BIRC5: variants seen among roughly 807,000 people sequenced by gnomAD.
BIRC5 encodes the protein baculoviral IAP repeat-containing protein 5.
In BIRC5, 8 loss-of-function variants were observed where a neutral mutation model predicts 15.8. The ratio of observed to expected loss-of-function variants is 0.51; its 90% CI spans 0.30 to 0.91. The LOEUF is 0.91. Ranked by LOEUF, BIRC5 falls within the 40% of genes least tolerant of loss-of-function variation. BIRC5 has a pLI of 0.07. For missense variants in BIRC5, 163 were observed against 178.6 expected (o/e 0.91, Z 0.50); for synonymous variants, 56 against 64.5 (o/e 0.87, Z 0.63).
rs747598585 is a variant in BIRC5 at position 78,216,695 on chromosome 17, G to T, written c.253G>T (p.Ala85Ser). ...ACATAAAAAGCATTCGTCCGGTTGC[G>T]CTTTCCTTTCTGTCAAGAAGCAGTT... Reference protein sequence around the residue: ...EEHKKHSSGCAFLSVKKQFEE... With the variant: ...EEHKKHSSGCSFLSVKKQFEE... The change falls in exon 3 of 4, where the codon GCT becomes TCT. Residue 85 changes from alanine to serine, a missense_variant. By Grantham distance (99) the Ala-to-Ser change is moderately conservative. Transcript: ENST00000350051. 1 of 1,613,694 alleles carries T rather than the reference G, an allele frequency of 6.2e-7. No homozygotes were observed. The highest frequency in any genetic ancestry group is 8.5e-7 in the Non-Finnish European group (1 of 1,179,844).
chr17:78,216,448 GGGGAGATGTCCACA>G (rs2076478661), intron 2 of BIRC5: 3 of 495,102 alleles, frequency 6.1e-6, no homozygotes, highest in Admixed American at 6.7e-5. Flanking sequence ...ACAGATGTGG[GGGGAGATGTCCACA>G]GGGAGAGAGA....
At chr17:78,222,809 A>G in intron 3 of BIRC5, 1 of 1,535,802 alleles carries the variant, frequency 6.5e-7, no homozygotes, top group East Asian at 2.4e-5. Flanking sequence ...TGCTAATGTG[A>G]TTGTCATTTG....
At chr17:78,218,912 G>A (rs1039185110) in intron 3 of BIRC5, among the ~76,000 whole-genome samples, 4 of 151,990 alleles carry the variant, frequency 2.6e-5, no homozygotes, top group South Asian at 2.1e-4. Context: ...AGGCCTGGGC[G>A]TCATATATTC....
At chr17:78,216,117 TG>T (rs2076475943) in intron 2 of BIRC5, 1 of 289,388 alleles carries the variant, frequency 3.5e-6, no homozygotes, top group African/African-American at 2.3e-5. Context: ...GGCGTGGTGG[TG>T]GGCGCCTGTA....
At chr17:78,222,141 G>C (rs2076519472) in intron 3 of BIRC5, among the ~76,000 whole-genome samples, 3 of 151,518 alleles carry the variant, frequency 2.0e-5, no homozygotes, top group Admixed American at 2.0e-4. Flanking sequence ...GGTCAAAGCT[G>C]CAGTAAGCCA....
chr17:78,219,294 C>T (rs2076500730), intron 3 of BIRC5, among the ~76,000 whole-genome samples: 1 of 152,188 alleles, frequency 6.6e-6, no homozygotes, highest in Admixed American at 6.5e-5. Flanking sequence ...AAGCGATTCT[C>T]GTGCCTCAGG....
chr17:78,216,606 G>A, intron 2 of BIRC5, 58 bp from the exon 3 acceptor site: 3 of 1,505,708 alleles, frequency 2.0e-6, no homozygotes, highest in Non-Finnish European at 2.8e-6. Context: ...CCCGTGGGGA[G>A]TGGACTGCCG....
intron 3 of BIRC5, among the ~76,000 whole-genome samples, chr17:78,222,432 C>T (rs976973134): frequency 3.3e-5 from 5 of 151,908 alleles, no homozygotes; most frequent in East Asian, 1.9e-4. Context: ...TTTGGGAGGC[C>T]GTGGCGGGCA....
intron 3 of BIRC5, among the ~76,000 whole-genome samples, chr17:78,221,860 G>A (rs1372046565): frequency 6.6e-6 from 1 of 152,176 alleles, no homozygotes; most frequent in Non-Finnish European, 1.5e-5. Context: ...CAGTAAAGCT[G>A]AGGCTCCCTG....
intron 3 of BIRC5, among the ~76,000 whole-genome samples, chr17:78,220,978 G>T (rs11868371): frequency 1.3e-5 from 2 of 152,120 alleles, no homozygotes; most frequent in African/African-American, 4.8e-5. Context: ...TGCCTTGCCA[G>T]GGTGCCAGGA....
In BIRC5 at chr17:78,223,621, C is replaced by T. The variant is rs2076529788; in HGVS notation, c.*67C>T. On this transcript the variant is annotated 3_prime_UTR_variant, in exon 4 of 4. Transcript: ENST00000350051. Reference sequence around the variant, plus strand: ...ACTTCCAGGGTTTATTCCCTGGTGCCACCAGCCTTCCTGTGGGCCCCTTAG... The same window carrying T: ...ACTTCCAGGGTTTATTCCCTGGTGCTACCAGCCTTCCTGTGGGCCCCTTAG... 1 of 1,604,382 alleles carries T rather than the reference C, an allele frequency of 6.2e-7. No homozygotes were observed.
At chr17:78,221,364 G>T (rs1000274575) in intron 3 of BIRC5, among the ~76,000 whole-genome samples, 3 of 152,122 alleles carry the variant, frequency 2.0e-5, no homozygotes, top group African/African-American at 7.2e-5. Flanking sequence ...CAATCCTCCT[G>T]CCTCAGCCTC....
chr17:78,217,242 C>T (rs1197017014), intron 3 of BIRC5, among the ~76,000 whole-genome samples: 1 of 150,670 alleles, frequency 6.6e-6, no homozygotes, highest in African/African-American at 2.5e-5. Context: ...GTGGCCTGAT[C>T]TCGGATCACT....
chr17:78,219,727 T>A (rs899127231), intron 3 of BIRC5, among the ~76,000 whole-genome samples: 4 of 152,204 alleles, frequency 2.6e-5, no homozygotes, highest in African/African-American at 9.7e-5. Flanking sequence ...TTGCATATTG[T>A]CTTTTGTTGT....
chr17:78,215,080 A>G (rs1044303379), intron 2 of BIRC5: 9 of 309,764 alleles, frequency 2.9e-5, no homozygotes, highest in South Asian at 2.0e-4. Context: ...GGAACGTCCA[A>G]GTGCTTTTTT....
In BIRC5 at chr17:78,223,453, C is replaced by T; in HGVS notation, c.340-12C>T. 13 of 1,585,604 alleles carry T rather than the reference C, an allele frequency of 8.2e-6. No homozygotes were observed. Among genetic ancestry groups the T allele is most frequent in the Non-Finnish European group, 1.1e-5 (13 of 1,164,252 alleles). ...CTGGTTTCAGTGTCATGTGTCTATT[C>T]TTTATTTCCAGGCAAAGGAAACCAA... On this transcript the variant is annotated splice_polypyrimidine_tract_variant and intron_variant, in intron 3 of 3. Transcript: ENST00000350051.
At chr17:78,217,207 A>C (rs2076484983) in intron 3 of BIRC5, among the ~76,000 whole-genome samples, 2 of 133,712 alleles carry the variant, frequency 1.5e-5, no homozygotes, top group African/African-American at 5.8e-5. Flanking sequence ...ACACAGTTTC[A>C]CTCTGTTACC....
At chr17:78,220,883 C>G (rs1176012085) in intron 3 of BIRC5, among the ~76,000 whole-genome samples, 1 of 152,032 alleles carries the variant, frequency 6.6e-6, no homozygotes, top group African/African-American at 2.4e-5. Flanking sequence ...TTGCGCTATA[C>G]AAATCCTGAA....
In BIRC5 at chr17:78,223,340, C is replaced by T. The variant is rs989986139; in HGVS notation, c.340-125C>T. ...CAGGTAGCTGGGAATCTGCCTAGCC[C>T]AGTGCCCAGTTTATTTAGGTGCTCT... On this transcript the variant is annotated intron_variant, in intron 3 of 3. Coordinates refer to ENST00000350051, the MANE Select transcript of BIRC5 (RefSeq NM_001168.3). The T allele has an allele frequency of 3.3e-6, 3 of 899,924 alleles. No homozygotes were observed. The African/African-American group carries it at 5.0e-5, about 15-fold the overall frequency. The allele number at this position is 899,924 out of a possible 1,614,324, so 55.7% of individuals were successfully genotyped here.
Sources: allele counts gnomAD v4.1 joint callset (sites outside exome capture counted in the v4.1 genomes callset), GRCh38; gene constraint gnomAD v4.1.1; transcripts MANE v1.5; gene names NCBI Gene and HGNC (gene_info 2026-07-23, HGNC 2026-07-21).